Variants in RAB11FIP5 observed in about 807,000 individuals in gnomAD.
RAB11FIP5 encodes RAB11 family interacting protein 5.
RAB11FIP5 carries 48 observed loss-of-function variants against 85.1 expected under a neutral mutation model. The ratio of observed to expected loss-of-function variants is 0.56; its 90% CI spans 0.45 to 0.72. The LOEUF is 0.72. RAB11FIP5 is among the 30% of genes least tolerant of loss of function. The probability of loss-of-function intolerance (pLI) is 0.00; values close to 1 mark genes in which losing one functional copy is unlikely to be tolerated. For missense variants in RAB11FIP5, 1,491 were observed against 1,687.0 expected (o/e 0.88, Z 2.04); for synonymous variants, 729 against 727.3 (o/e 1.00, Z -0.04).
At position 73,089,572 on chromosome 2, in the gene RAB11FIP5, G is replaced by A. The variant is rs892480715; in HGVS notation, c.432-257C>T. On this transcript the variant is annotated intron_variant, in intron 1 of 5. Coordinates refer to ENST00000486777, the MANE Select transcript of RAB11FIP5 (RefSeq NM_001371272.1). The surrounding 1 kb of genome is among the most constrained non-coding windows in gnomAD (Gnocchi z 4.6). ...CTCGGGTGCCACCAGGTAGGGCGGC[G>A]GTTACCACACCATGCCTCCTCCCAC... 2 of 555,956 alleles carry A rather than the reference G, an allele frequency of 3.6e-6. No individual in the cohort carries two copies. The highest frequency in any genetic ancestry group is 2.8e-5 in the Admixed American group (1 of 35,270). The allele number at this position is 555,956 out of a possible 1,614,324, so 34.4% of individuals were successfully genotyped here. A position where few individuals can be genotyped will look rare whatever the true frequency, so the allele number is the denominator to read the frequency against.
In RAB11FIP5 at chr2:73,088,127, G is replaced by A; in HGVS notation, c.1491C>T (p.His497=). ...TGGCCTTTTCCTCCCCACTGGATGA[G>A]TGATGTGGGGAGGCCCCCAGGATGG... The part of the protein sequence containing the change: ...GGPILGASPH[H]SSSGEEKAKS... Residue 497 remains histidine (H), a synonymous_variant, in exon 3 of 6, where the codon CAC becomes CAT. Coordinates refer to ENST00000486777, the MANE Select transcript of RAB11FIP5 (RefSeq NM_001371272.1). The A allele has an allele frequency of 6.2e-7, 1 of 1,614,088 alleles. No homozygotes were observed. Among genetic ancestry groups the A allele is most frequent in the South Asian group, 1.1e-5 (1 of 91,082 alleles).
chr2:73,089,369 T>C lies in RAB11FIP5; in HGVS notation c.432-54A>G, dbSNP rs749177576. 1 of 1,572,650 alleles carries C rather than the reference T, an allele frequency of 6.4e-7. No individual in the cohort carries two copies. The highest frequency in any genetic ancestry group is 1.1e-5 in the South Asian group (1 of 90,448). On this transcript the variant is annotated intron_variant, in intron 1 of 5. Transcript: ENST00000486777. The surrounding 1 kb of genome is among the most constrained non-coding windows in gnomAD (Gnocchi z 4.6). ...CAGTCACGGGCCCAGGGAGCCTGGC[T>C]CCCGCCCGGTACCAGGCACTGCCCA...
chr2:73,084,252 T>G (rs1329798997), intron 3 of RAB11FIP5: 1 of 152,250 alleles, frequency 6.6e-6, no homozygotes, highest in East Asian at 1.9e-4. Context: ...CATCCCTCCT[T>G]CATGCCTTCC....
At chr2:73,103,270 C>T (rs1423009716) in intron 1 of RAB11FIP5, among the ~76,000 whole-genome samples, 1 of 152,146 alleles carries the variant, frequency 6.6e-6, no homozygotes, top group Non-Finnish European at 1.5e-5. Flanking sequence ...GAGCCCAGGT[C>T]CTCATTCATG....
chr2:73,106,491 C>A (rs1321778769), intron 1 of RAB11FIP5, among the ~76,000 whole-genome samples: 2 of 152,192 alleles, frequency 1.3e-5, no homozygotes, highest in Non-Finnish European at 2.9e-5. Context: ...GCTTCCCCCC[C>A]TTTGGAATCT....
chr2:73,104,576 A>G (rs866383289), intron 1 of RAB11FIP5, among the ~76,000 whole-genome samples: 9 of 152,270 alleles, frequency 5.9e-5, no homozygotes, highest in Middle Eastern at 3.4e-3. Flanking sequence ...TCAAAAAACA[A>G]AACAAAACAA....
At chr2:73,090,041 T>C (rs1274674429) in intron 1 of RAB11FIP5, among the ~76,000 whole-genome samples, 1 of 152,126 alleles carries the variant, frequency 6.6e-6, no homozygotes, top group Non-Finnish European at 1.5e-5. Context: ...TGAGCATCTA[T>C]GGTGCATTAC....
At chr2:73,098,120 C>T (rs961268774) in intron 1 of RAB11FIP5, among the ~76,000 whole-genome samples, 4 of 152,188 alleles carry the variant, frequency 2.6e-5, no homozygotes, top group African/African-American at 7.2e-5. Flanking sequence ...CCCAGCCCAC[C>T]ACGTGCTGGC....
chr2:73,087,057 T>G (rs771668140), intron 3 of RAB11FIP5, among the ~76,000 whole-genome samples: 4 of 152,172 alleles, frequency 2.6e-5, no homozygotes, highest in African/African-American at 4.8e-5. Flanking sequence ...TGCCCTATCT[T>G]TTGCCCCCTT....
chr2:73,107,453 G>A (rs1684549812), intron 1 of RAB11FIP5, among the ~76,000 whole-genome samples: 1 of 152,192 alleles, frequency 6.6e-6, no homozygotes, highest in Admixed American at 6.5e-5. Flanking sequence ...CTGCTGAGCT[G>A]TGCCTTGCAG....
intron 1 of RAB11FIP5, among the ~76,000 whole-genome samples, chr2:73,103,683 C>A (rs1684471078): frequency 1.3e-5 from 2 of 152,138 alleles, no homozygotes; most frequent in African/African-American, 4.8e-5. Context: ...TGGGAAGGCA[C>A]CCTTAAAAGT....
chr2:73,109,167 G>A (rs1684593704), intron 1 of RAB11FIP5, among the ~76,000 whole-genome samples: 1 of 152,206 alleles, frequency 6.6e-6, no homozygotes, highest in Admixed American at 6.5e-5. Flanking sequence ...AGGGTGGGGA[G>A]ATCATTAGTT....
intron 1 of RAB11FIP5, among the ~76,000 whole-genome samples, chr2:73,111,451 GCT>G (rs1684653073): frequency 6.6e-6 from 1 of 152,132 alleles, no homozygotes; most frequent in African/African-American, 2.4e-5. Context: ...TCCACAGCAG[GCT>G]GTCAGCCCCG....
chr2:73,075,799 C>CGCCT lies in RAB11FIP5; in HGVS notation c.3772-79_3772-76dup, dbSNP rs1202623246. 2 of 1,492,506 alleles carry CGCCT rather than the reference C, an allele frequency of 1.3e-6. No homozygotes were observed. Among genetic ancestry groups the CGCCT allele is most frequent in the African/African-American group, 2.8e-5 (2 of 71,792 alleles). 92.5% of individuals were successfully genotyped at this position (1,492,506 alleles called of 1,614,324 possible). On this transcript the variant is annotated intron_variant, in intron 5 of 5. Coordinates refer to ENST00000486777, the MANE Select transcript of RAB11FIP5 (RefSeq NM_001371272.1). The surrounding 1 kb of genome is among the most constrained non-coding windows in gnomAD (Gnocchi z 4.6). ...CTGCCTGCCCGCTTGCCCGCCCGCC[C>CGCCT]GCCTGCCCACCAACACCTAAGTTTC...
intron 1 of RAB11FIP5, among the ~76,000 whole-genome samples, chr2:73,108,745 T>C (rs1452290547): frequency 6.6e-6 from 1 of 151,906 alleles, no homozygotes; most frequent in African/African-American, 2.4e-5. Flanking sequence ...CACTGGGGAG[T>C]GCTAAGAAGG....
intron 1 of RAB11FIP5, among the ~76,000 whole-genome samples, chr2:73,100,807 T>TG (rs1051550857): frequency 1.3e-5 from 2 of 151,352 alleles, no homozygotes; most frequent in African/African-American, 4.9e-5. Flanking sequence ...TTTGTTTTTT[T>TG]GTTTTTTTTT....
intron 1 of RAB11FIP5, among the ~76,000 whole-genome samples, chr2:73,101,750 C>A (rs1169133515): frequency 6.6e-6 from 1 of 152,204 alleles, no homozygotes; most frequent in African/African-American, 2.4e-5. Flanking sequence ...CCCACCCGCT[C>A]ACCACCGCAC....
In RAB11FIP5 at chr2:73,088,728, G is replaced by A; in HGVS notation, c.890C>T (p.Pro297Leu). 1.2e-6 allele frequency: 2 copies of A among 1,606,408 alleles called. No individual in the cohort carries two copies. Among genetic ancestry groups the A allele is most frequent in the South Asian group, 2.2e-5 (2 of 90,170 alleles). Residue 297 changes from proline to leucine, a missense_variant, in exon 3 of 6, where the codon CCC (proline) becomes CTC (leucine). Transcript: ENST00000486777. ...TEGGRDSAQS[P>L]KLFTHKRTYS... ...GGTCCTCTTATGGGTGAACAGCTTGGGGGACTGTGCAGAGTCCCTGCCTGC... is the reference window on the plus strand; with the variant it reads ...GGTCCTCTTATGGGTGAACAGCTTGAGGGACTGTGCAGAGTCCCTGCCTGC...
At chr2:73,076,512 C>A (rs1683865182) in intron 4 of RAB11FIP5, among the ~76,000 whole-genome samples, 2 of 152,166 alleles carry the variant, frequency 1.3e-5, no homozygotes, top group Non-Finnish European at 2.9e-5. Flanking sequence ...GGACACCCTC[C>A]CCCAGCCATC....
Sources: allele counts gnomAD v4.1 joint callset (sites outside exome capture counted in the v4.1 genomes callset), GRCh38; gene constraint gnomAD v4.1.1; non-coding constraint Gnocchi (gnomAD v3.1); transcripts MANE v1.5; gene names NCBI Gene and HGNC (gene_info 2026-07-23, HGNC 2026-07-21).